ME3: variants seen among roughly 807,000 people sequenced by gnomAD.
ME3 encodes NADP-dependent malic enzyme, mitochondrial.
ME3 carries 48 observed loss-of-function variants against 68.9 expected under a neutral mutation model. The ratio of observed to expected loss-of-function variants is 0.70; its 90% CI spans 0.55 to 0.89. The LOEUF (loss-of-function observed/expected upper bound fraction) is 0.89, where lower values mean the gene tolerates loss of function less well. Among genes scored for constraint, ME3 ranks in the 40% least tolerant of loss-of-function variants. The pLI is 0.00. For missense variants in ME3, 675 were observed against 797.4 expected (o/e 0.85, Z 1.85); for synonymous variants, 320 against 318.8 (o/e 1.00, Z -0.04).
chr11:86,666,628 T>C (rs926264667), intron 2 of ME3, among the ~76,000 whole-genome samples: 1 of 152,248 alleles, frequency 6.6e-6, no homozygotes, highest in African/African-American at 2.4e-5. Context: ...CCAACATATC[T>C]GAACAGTATT....
chr11:86,536,070 T>G (rs557373736), intron 4 of ME3, among the ~76,000 whole-genome samples: 1 of 152,292 alleles, frequency 6.6e-6, no homozygotes, highest in African/African-American at 2.4e-5. Context: ...TATCTCTATT[T>G]GTACAGGTTT....
chr11:86,480,264 C>T (rs1055478528), intron 7 of ME3, among the ~76,000 whole-genome samples: 7 of 152,226 alleles, frequency 4.6e-5, no homozygotes, highest in East Asian at 1.9e-4. Flanking sequence ...TGAGTTTTCT[C>T]ATCTGTTATG....
chr11:86,465,660 T>C (rs904023349), intron 7 of ME3, among the ~76,000 whole-genome samples: 2 of 152,064 alleles, frequency 1.3e-5, no homozygotes, highest in African/African-American at 4.8e-5. Flanking sequence ...AATATCTCTC[T>C]TGCTGGACCC....
At chr11:86,515,533 C>T (rs576371772) in intron 4 of ME3, among the ~76,000 whole-genome samples, 14 of 152,234 alleles carry the variant, frequency 9.2e-5, no homozygotes, top group Non-Finnish European at 1.3e-4. Flanking sequence ...TTCTCCATTA[C>T]GGGAATGACT....
At chr11:86,533,410 C>A (rs570607557) in intron 4 of ME3, among the ~76,000 whole-genome samples, 4 of 152,084 alleles carry the variant, frequency 2.6e-5, no homozygotes, top group Non-Finnish European at 5.9e-5. Flanking sequence ...TGGATGAATT[C>A]TTGGCAACAT....
the ME3 span, chr11:86,435,180 C>A: frequency 6.6e-6 from 1 of 152,162 alleles, no homozygotes; most frequent in Non-Finnish European, 1.5e-5. Context: ...TACAGAACAC[C>A]TTCTCTCACC....
At chr11:86,488,041 A>T (rs995770991) in intron 6 of ME3, among the ~76,000 whole-genome samples, 2 of 152,188 alleles carry the variant, frequency 1.3e-5, no homozygotes, top group African/African-American at 4.8e-5. Context: ...TTAGCTGGGC[A>T]TGGTGGTGTA....
intron 2 of ME3, among the ~76,000 whole-genome samples, chr11:86,642,755 CCTCAGT>C (rs750777325): frequency 3.3e-5 from 5 of 152,226 alleles, no homozygotes; most frequent in Admixed American, 1.3e-4. Context: ...CTCACATATT[CCTCAGT>C]CTCAAAGTAC....
chr11:86,599,314 C>A (rs558517228), intron 2 of ME3, among the ~76,000 whole-genome samples: 2 of 152,174 alleles, frequency 1.3e-5, no homozygotes, highest in Non-Finnish European at 2.9e-5. Flanking sequence ...GCAGAAGCCT[C>A]TGGAGCCGAT....
intron 2 of ME3, among the ~76,000 whole-genome samples, chr11:86,613,233 T>A (rs1942720446): frequency 6.6e-6 from 1 of 152,190 alleles, no homozygotes; most frequent in Non-Finnish European, 1.5e-5. Context: ...GTGGTGTTAT[T>A]TCTGAAGTCT....
At chr11:86,609,840 A>G (rs1456566253) in intron 2 of ME3, among the ~76,000 whole-genome samples, 1 of 152,242 alleles carries the variant, frequency 6.6e-6, no homozygotes, top group Non-Finnish European at 1.5e-5. Flanking sequence ...CTAAAACCAA[A>G]TGTATAAAAT....
intron 4 of ME3, among the ~76,000 whole-genome samples, chr11:86,516,079 A>C (rs1953879653): frequency 6.6e-6 from 1 of 152,204 alleles, no homozygotes; most frequent in Non-Finnish European, 1.5e-5. Context: ...AGAGCTGAGA[A>C]CATGGGCATC....
chr11:86,455,420 C>T (rs954306934), intron 8 of ME3, among the ~76,000 whole-genome samples: 1 of 152,224 alleles, frequency 6.6e-6, no homozygotes, highest in African/African-American at 2.4e-5. Flanking sequence ...AGACCAAGCT[C>T]ATTTCTGTTT....
intron 7 of ME3, among the ~76,000 whole-genome samples, chr11:86,467,342 G>A (rs1950531392): frequency 6.6e-6 from 1 of 152,200 alleles, no homozygotes; most frequent in East Asian, 1.9e-4. Flanking sequence ...GGTTTGGTGG[G>A]GGGCTCACTG....
intron 7 of ME3, among the ~76,000 whole-genome samples, chr11:86,484,199 G>A (rs530500449): frequency 4.6e-5 from 7 of 152,284 alleles, no homozygotes; most frequent in Admixed American, 6.5e-5. Context: ...GGGTAGGAAG[G>A]TGGAGCTTTT....
chr11:86,494,828 C>A (rs1952215496), intron 6 of ME3, among the ~76,000 whole-genome samples: 1 of 152,106 alleles, frequency 6.6e-6, no homozygotes, highest in African/African-American at 2.4e-5. Context: ...ACTAAACACT[C>A]AATAAACTTT....
intron 6 of ME3, among the ~76,000 whole-genome samples, chr11:86,497,638 G>A (rs1952441761): frequency 6.6e-6 from 1 of 152,246 alleles, no homozygotes; most frequent in East Asian, 1.9e-4. Flanking sequence ...CCCACCTCAA[G>A]GGAAATAGAA....
At chr11:86,663,523 A>G (rs1433536220) in intron 2 of ME3, among the ~76,000 whole-genome samples, 1 of 152,136 alleles carries the variant, frequency 6.6e-6, no homozygotes, top group African/African-American at 2.4e-5. Flanking sequence ...ACCACCCCCA[A>G]AGGATTTCCC....
chr11:86,635,046 T>G (rs1279585154), intron 2 of ME3, among the ~76,000 whole-genome samples: 9 of 152,182 alleles, frequency 5.9e-5, no homozygotes, highest in Admixed American at 5.9e-4. Context: ...GGTTCACACC[T>G]GTAATCCCAG....
Sources: allele counts gnomAD v4.1 joint callset (sites outside exome capture counted in the v4.1 genomes callset), GRCh38; gene constraint gnomAD v4.1.1; transcripts MANE v1.5; gene names NCBI Gene and HGNC (gene_info 2026-07-23, HGNC 2026-07-21).